The following SNX3 variants were observed in gnomAD, a reference collection of about 807,000 sequenced individuals.
SNX3 encodes sorting nexin 3, also known as sorting nexin-3.
A neutral mutation model predicts 17.7 loss-of-function variants in SNX3; 5 were observed. The ratio of observed to expected loss-of-function variants is 0.28; its 90% CI spans 0.15 to 0.59. SNX3 has a LOEUF of 0.59. Ranked by LOEUF, SNX3 falls within the 20% of genes least tolerant of loss-of-function variation. The pLI, the probability that SNX3 is intolerant of heterozygous loss-of-function variation, is 0.88. For missense variants in SNX3, 132 were observed against 206.8 expected (o/e 0.64, Z 2.22); for synonymous variants, 91 against 76.5 (o/e 1.19, Z -0.99).
intron 1 of SNX3, among the ~76,000 whole-genome samples, chr6:108,251,145 G>A (rs2114763661): frequency 6.6e-6 from 1 of 151,932 alleles, no homozygotes; most frequent in Middle Eastern, 3.4e-3. Flanking sequence ...TATCAGATAT[G>A]CCATGTCTTC....
chr6:108,235,377 T>C (rs971978576), intron 1 of SNX3, among the ~76,000 whole-genome samples: 2 of 152,144 alleles, frequency 1.3e-5, no homozygotes, highest in African/African-American at 4.8e-5. Flanking sequence ...GCCCCACAGA[T>C]ATCAAGTGGA....
At chr6:108,234,581 T>C (rs1172444913) in intron 1 of SNX3, among the ~76,000 whole-genome samples, 1 of 152,110 alleles carries the variant, frequency 6.6e-6, no homozygotes, top group African/African-American at 2.4e-5. Context: ...AACATATACA[T>C]GTGAATATAT....
chr6:108,237,789 C>CA (rs552761335), intron 1 of SNX3, among the ~76,000 whole-genome samples: 1,875 of 138,200 alleles, frequency 0.014, 21 homozygotes, highest in African/African-American at 0.029. Context: ...GACTCTATTT[C>CA]AAAAAAAAAA....
intron 2 of SNX3, among the ~76,000 whole-genome samples, chr6:108,219,166 C>T (rs1265158344): frequency 2.7e-5 from 4 of 150,898 alleles, no homozygotes; most frequent in African/African-American, 9.8e-5. Flanking sequence ...CTTGCTAACA[C>T]GGTGAAACCC....
chr6:108,218,821 G>A (rs1258315917), intron 2 of SNX3, among the ~76,000 whole-genome samples: 1 of 152,228 alleles, frequency 6.6e-6, no homozygotes, highest in African/African-American at 2.4e-5. Flanking sequence ...ACAGAGAAAG[G>A]AGACTAGCAG....
Position 108,260,889 on chromosome 6 carries a change from C to G in SNX3, c.33G>C (p.Leu11=), listed in dbSNP as rs779088331. 5 of 1,610,046 alleles carry G rather than the reference C, an allele frequency of 3.1e-6. No homozygotes were observed. Among genetic ancestry groups the G allele is most frequent in the Non-Finnish European group, 4.2e-6 (5 of 1,178,164 alleles). ...CATTCAGGTTCTGCGGCTTGGTGAT[C>G]AGCCGCCGGGTGTCAGCCACGGTCT... The part of the protein sequence containing the change: MAETVADTRR[L]ITKPQNLNDA... Residue 11 remains leucine, a synonymous_variant, in exon 1 of 4, where the codon CTG becomes CTC. Transcript: ENST00000230085.
At chr6:108,243,592 GA>G (rs763866417) in intron 1 of SNX3, among the ~76,000 whole-genome samples, 8 of 152,070 alleles carry the variant, frequency 5.3e-5, no homozygotes, top group Non-Finnish European at 8.8e-5. Flanking sequence ...AAATACTAAA[GA>G]AAGCCCTTCC....
At chr6:108,251,066 T>G (rs992062771) in intron 1 of SNX3, among the ~76,000 whole-genome samples, 4 of 151,904 alleles carry the variant, frequency 2.6e-5, no homozygotes, top group Non-Finnish European at 5.9e-5. Flanking sequence ...TTAAGCAGCC[T>G]TGGAAGGAAA....
At chr6:108,216,349 C>A (rs1486626446) in intron 2 of SNX3, among the ~76,000 whole-genome samples, 1 of 152,164 alleles carries the variant, frequency 6.6e-6, no homozygotes, top group Non-Finnish European at 1.5e-5. Context: ...AACATAGCAC[C>A]CCCAGCTGAG....
chr6:108,237,396 C>T (rs1346448636), intron 1 of SNX3, among the ~76,000 whole-genome samples: 1 of 152,120 alleles, frequency 6.6e-6, no homozygotes, highest in Non-Finnish European at 1.5e-5. Flanking sequence ...AGATTTTAAA[C>T]CATGATATCT....
rs550850096 is a variant in SNX3, at chr6:108,242,282, A to G, written c.162+18478T>C. ...CAATAAATAATGGCTGAAAACTTAA[A>G]AAAATTTGACTAAACCCTTAATCTA... On this transcript the variant is annotated intron_variant, in intron 1 of 3. Transcript: ENST00000230085. 3.3e-5 allele frequency among the ~76,000 whole-genome samples: 5 copies of G among 152,334 alleles called. No homozygotes were observed. In the East Asian group the frequency reaches 9.7e-4, roughly 29 times the overall value.
At chr6:108,254,371 G>C (rs1398935983) in intron 1 of SNX3, among the ~76,000 whole-genome samples, 2 of 152,052 alleles carry the variant, frequency 1.3e-5, no homozygotes, top group Non-Finnish European at 2.9e-5. Flanking sequence ...GGCGAAGGTT[G>C]GGAGGGTTGC....
chr6:108,227,815 GTTTT>G (rs76937863), intron 1 of SNX3, among the ~76,000 whole-genome samples: 4 of 145,352 alleles, frequency 2.8e-5, no homozygotes, highest in African/African-American at 5.0e-5. Flanking sequence ...CAAAATGTGG[GTTTT>G]TTTTTTTTGT....
intron 1 of SNX3, among the ~76,000 whole-genome samples, chr6:108,244,344 A>T (rs112099370): frequency 6.6e-6 from 1 of 152,044 alleles, no homozygotes; most frequent in Admixed American, 6.6e-5. Context: ...TGTAGAGAGG[A>T]GGGTCTCACT....
chr6:108,259,222 C>A (rs1325847638), intron 1 of SNX3, among the ~76,000 whole-genome samples: 1 of 152,066 alleles, frequency 6.6e-6, no homozygotes, highest in African/African-American at 2.4e-5. Context: ...ACAACATATC[C>A]TATGATTCAA....
chr6:108,246,037 T>C (rs1020252757), intron 1 of SNX3, among the ~76,000 whole-genome samples: 3 of 152,212 alleles, frequency 2.0e-5, no homozygotes, highest in African/African-American at 7.2e-5. Flanking sequence ...TGAATGGTAT[T>C]ACCTAGGTTT....
intron 3 of SNX3, among the ~76,000 whole-genome samples, chr6:108,212,694 C>T (rs1052718481): frequency 3.3e-5 from 5 of 152,094 alleles, no homozygotes; most frequent in Non-Finnish European, 7.3e-5. Context: ...TAAAGCTATG[C>T]ACTATCAACT....
At chr6:108,223,372 A>C (rs1183729396) in intron 1 of SNX3, among the ~76,000 whole-genome samples, 1 of 151,988 alleles carries the variant, frequency 6.6e-6, no homozygotes, top group Non-Finnish European at 1.5e-5. Context: ...TCCTGACCTC[A>C]GGTGATCCGC....
At chr6:108,215,039 CA>C (rs1160509926) in intron 2 of SNX3, among the ~76,000 whole-genome samples, 3 of 152,220 alleles carry the variant, frequency 2.0e-5, no homozygotes, top group African/African-American at 7.2e-5. Flanking sequence ...GTTCTCTCTG[CA>C]ACATGGTTAG....
Sources: allele counts gnomAD v4.1 joint callset (sites outside exome capture counted in the v4.1 genomes callset), GRCh38; gene constraint gnomAD v4.1.1; transcripts MANE v1.5; gene names NCBI Gene and HGNC (gene_info 2026-07-23, HGNC 2026-07-21).